The following LBH variants were observed in gnomAD, a reference collection of about 807,000 sequenced individuals.
The protein encoded by LBH is protein LBH.
LBH carries 7 observed loss-of-function variants against 12.5 expected under a neutral mutation model. That is an observed-to-expected ratio of 0.56 (90% CI 0.32 to 1.05). The LOEUF is 1.05. Ranked by LOEUF, LBH falls within the 50% of genes least tolerant of loss-of-function variation. The probability of loss-of-function intolerance (pLI) is 0.04; values close to 1 mark genes in which losing one functional copy is unlikely to be tolerated. For synonymous variants in LBH, 51 were observed against 50.1 expected (o/e 1.02, Z -0.08); for missense variants, 119 against 138.9 (o/e 0.86, Z 0.72).
At position 30,231,631 on chromosome 2, in the gene LBH, C is replaced by T; in HGVS notation, c.-108C>T. ...AAGGCGGACGGCGAGCGCCCGGTGT[C>T]CGCACTCGGCCGCCTGCCGTGCCCG... is the stretch of plus-strand genomic sequence containing the variant. On this transcript the variant is annotated 5_prime_UTR_variant, in exon 1 of 3. Coordinates refer to ENST00000395323, the MANE Select transcript of LBH (RefSeq NM_030915.4). 1 of 1,140,768 alleles carries T rather than the reference C, an allele frequency of 8.8e-7. No individual in the cohort carries two copies. The highest frequency in any genetic ancestry group is 1.3e-6 in the Non-Finnish European group (1 of 767,282). 70.7% of individuals were successfully genotyped at this position (1,140,768 alleles called of 1,614,324 possible). A position where few individuals can be genotyped will look rare whatever the true frequency, so the allele number is the denominator to read the frequency against.
At chr2:30,248,045 G>T (rs1424322852) in intron 2 of LBH, among the ~76,000 whole-genome samples, 1 of 152,218 alleles carries the variant, frequency 6.6e-6, no homozygotes, top group Non-Finnish European at 1.5e-5. Context: ...GAGAATGGCT[G>T]CCCTAGGCTA....
At chr2:30,235,616 G>T (rs1677675138) in intron 2 of LBH, among the ~76,000 whole-genome samples, 1 of 151,886 alleles carries the variant, frequency 6.6e-6, no homozygotes, top group Admixed American at 6.6e-5. Context: ...ACCATGGCTT[G>T]GTTCCGCTAG....
intron 2 of LBH, among the ~76,000 whole-genome samples, chr2:30,241,754 G>A (rs554545800): frequency 1.6e-4 from 24 of 152,112 alleles, no homozygotes; most frequent in South Asian, 1.5e-3. Flanking sequence ...AGGAGCCACC[G>A]CGCCCAGCCT....
rs1458996646 is a variant in LBH, at chr2:30,231,758, T to C, written c.20T>C (p.Ile7Thr). 6.3e-7 allele frequency: 1 copy of C among 1,578,852 alleles called. No homozygotes were observed. Among genetic ancestry groups the C allele is most frequent in the Non-Finnish European group, 8.6e-7 (1 of 1,163,546 alleles). ...GACTTCATGTCTATATATTTCCCCATTCACTGGTGAGTACCCTGCGCCTGC... is the reference window on the plus strand; with the variant it reads ...GACTTCATGTCTATATATTTCCCCACTCACTGGTGAGTACCCTGCGCCTGC... MSIYFP[I>T]HCPDYLRSAK... Residue 7 changes from isoleucine (I) to threonine (T), a missense_variant, in exon 1 of 3, where the codon ATT (isoleucine) becomes ACT (threonine). By Grantham distance (89) the Ile-to-Thr change is moderately conservative (BLOSUM62 -1). Transcript: ENST00000395323.
chr2:30,248,788 G>A (rs898625660), intron 2 of LBH, among the ~76,000 whole-genome samples: 1 of 152,328 alleles, frequency 6.6e-6, no homozygotes, highest in Admixed American at 6.5e-5. Context: ...AGAAATTAGT[G>A]CAATTAATTA....
chr2:30,247,913 T>C (rs565279399), intron 2 of LBH, among the ~76,000 whole-genome samples: 1 of 152,360 alleles, frequency 6.6e-6, no homozygotes, highest in Admixed American at 6.5e-5. Flanking sequence ...CCACTGTTGC[T>C]TTCTATACCC....
chr2:30,257,943 G>A lies in LBH; in HGVS notation c.*322G>A. 1 of 210,942 alleles carries A rather than the reference G, an allele frequency of 4.7e-6. No homozygotes were observed. 13.1% of individuals were successfully genotyped at this position (210,942 alleles called of 1,614,324 possible). The stretch of plus-strand genomic sequence containing the variant: ...TTATCTGAACTCAGGCAGCCTAGTA[G>A]AGGCAGTGGTGGGATTCCAATGGGT... On this transcript the variant is annotated 3_prime_UTR_variant, in exon 3 of 3. Coordinates refer to ENST00000395323, the MANE Select transcript of LBH (RefSeq NM_030915.4).
intron 2 of LBH, among the ~76,000 whole-genome samples, chr2:30,237,897 C>G (rs1320412629): frequency 6.6e-6 from 1 of 152,148 alleles, no homozygotes; most frequent in East Asian, 1.9e-4. Flanking sequence ...GGCAGGCAGG[C>G]TGTGGGTGGC....
At chr2:30,239,503 C>T (rs1235330790) in intron 2 of LBH, among the ~76,000 whole-genome samples, 1 of 152,206 alleles carries the variant, frequency 6.6e-6, no homozygotes, top group Non-Finnish European at 1.5e-5. Flanking sequence ...CCCATGGTCA[C>T]CAGGAAACAT....
intron 2 of LBH, among the ~76,000 whole-genome samples, chr2:30,241,828 G>A (rs755269776): frequency 2.0e-5 from 3 of 151,998 alleles, no homozygotes; most frequent in South Asian, 2.1e-4. Context: ...AAATCACAAC[G>A]GTTAACAATT....
chr2:30,234,398 T>G lies in LBH; in HGVS notation c.27-7T>G, dbSNP rs765294935. Reference sequence around the variant, plus strand: ...TTTGTTGACTTTTGGTCTGGGTTTCTTGGCAGCCCCGACTATCTGAGATCG... The same window carrying G: ...TTTGTTGACTTTTGGTCTGGGTTTCGTGGCAGCCCCGACTATCTGAGATCG... On this transcript the variant is annotated splice_polypyrimidine_tract_variant and splice_region_variant and intron_variant, in intron 1 of 2. Coordinates refer to ENST00000395323, the MANE Select transcript of LBH (RefSeq NM_030915.4). 9 of 1,613,166 alleles carry G rather than the reference T, an allele frequency of 5.6e-6. No homozygotes were observed. The highest frequency in any genetic ancestry group is 6.8e-6 in the Non-Finnish European group (8 of 1,179,186).
intron 1 of LBH, chr2:30,232,032 A>G: frequency 7.7e-7 from 1 of 1,301,364 alleles, no homozygotes; most frequent in East Asian, 2.7e-5. Context: ...TTGGCGGGGG[A>G]GCCAGGGGTC....
chr2:30,257,787 TG>T lies in LBH; in HGVS notation c.*167del. On this transcript the variant is annotated 3_prime_UTR_variant, in exon 3 of 3. Coordinates refer to ENST00000395323, the MANE Select transcript of LBH (RefSeq NM_030915.4). Reference sequence around the variant, plus strand: ...CCGAGTTGGTTTTCTTTTCTTTTCTTGCCTTTTTTTTTTTTTGAAATTTGCC... The same window carrying T: ...CCGAGTTGGTTTTCTTTTCTTTTCTTCCTTTTTTTTTTTTTGAAATTTGCC... The T allele has an allele frequency of 1.8e-6, 1 of 541,790 alleles. No individual in the cohort carries two copies. Among genetic ancestry groups the T allele is most frequent in the Non-Finnish European group, 3.1e-6 (1 of 323,978 alleles). 33.6% of individuals were successfully genotyped at this position (541,790 alleles called of 1,614,324 possible). A position where few individuals can be genotyped will look rare whatever the true frequency, so the allele number is the denominator to read the frequency against.
intron 2 of LBH, among the ~76,000 whole-genome samples, chr2:30,235,777 T>C (rs77337053): frequency 0.031 from 4,652 of 152,002 alleles, 99 homozygotes; most frequent in South Asian, 0.045. Context: ...AAGCTAAAAG[T>C]TCAGGCAGGG....
chr2:30,239,662 C>G (rs542956050), intron 2 of LBH, among the ~76,000 whole-genome samples: 1 of 152,132 alleles, frequency 6.6e-6, no homozygotes, highest in East Asian at 1.9e-4. Context: ...CTACTCCCCC[C>G]ACCCGCCTCT....
intron 2 of LBH, among the ~76,000 whole-genome samples, chr2:30,246,563 C>T (rs74891874): frequency 0.053 from 8,060 of 152,120 alleles, 744 homozygotes; most frequent in African/African-American, 0.18. Flanking sequence ...CATTGTTTTA[C>T]GTTTTTGCAT....
chr2:30,245,018 A>AT (rs1264266062), intron 2 of LBH, among the ~76,000 whole-genome samples: 6 of 152,252 alleles, frequency 3.9e-5, no homozygotes, highest in African/African-American at 1.4e-4. Flanking sequence ...CCAATCCAGA[A>AT]TTTGTAAATT....
At chr2:30,247,982 A>G (rs1278262009) in intron 2 of LBH, among the ~76,000 whole-genome samples, 1 of 152,206 alleles carries the variant, frequency 6.6e-6, no homozygotes, top group Non-Finnish European at 1.5e-5. Flanking sequence ...CTATGAAAAT[A>G]TGTTACCTCT....
intron 2 of LBH, among the ~76,000 whole-genome samples, chr2:30,254,512 T>C (rs1194672179): frequency 6.6e-6 from 1 of 152,190 alleles, no homozygotes; most frequent in Non-Finnish European, 1.5e-5. Context: ...TAGATTTTTT[T>C]CCTTATTTTA....
Sources: allele counts gnomAD v4.1 joint callset (sites outside exome capture counted in the v4.1 genomes callset), GRCh38; gene constraint gnomAD v4.1.1; transcripts MANE v1.5; gene names NCBI Gene and HGNC (gene_info 2026-07-23, HGNC 2026-07-21).